NTN1: variants seen among roughly 807,000 people sequenced by gnomAD.
NTN1 encodes netrin 1, also known as netrin-1.
A neutral mutation model predicts 54.2 loss-of-function variants in NTN1; 11 were observed. The ratio of observed to expected loss-of-function variants is 0.20; its 90% CI spans 0.13 to 0.34. The LOEUF is 0.34. Ranked by LOEUF, NTN1 falls within the 10% of genes least tolerant of loss-of-function variation. The pLI, the probability that NTN1 is intolerant of heterozygous loss-of-function variation, is 1.00. For missense variants in NTN1, 740 were observed against 893.1 expected, an observed-to-expected ratio of 0.83 and a Z score of 2.18; for synonymous variants, 371 against 382.0, an observed-to-expected ratio of 0.97 and a Z score of 0.33.
chr17:9,009,952 A>G, the NTN1 span, among the ~76,000 whole-genome samples: 1 of 152,040 alleles, frequency 6.6e-6, no homozygotes, highest in African/African-American at 2.4e-5. Flanking sequence ...TAATCTGGGG[A>G]ACTTTGGATG....
At chr17:9,154,518 G>A (rs769667507) in intron 2 of NTN1, among the ~76,000 whole-genome samples, 3 of 152,090 alleles carry the variant, frequency 2.0e-5, no homozygotes, top group Admixed American at 6.5e-5. Context: ...GTCCTGCCTC[G>A]GCCCCTTTCC....
intron 2 of NTN1, among the ~76,000 whole-genome samples, chr17:9,139,706 A>G (rs1156488570): frequency 6.6e-6 from 1 of 152,198 alleles, no homozygotes; most frequent in Non-Finnish European, 1.5e-5. Flanking sequence ...TGCAATTTAC[A>G]TTAAACATTT....
the NTN1 span, among the ~76,000 whole-genome samples, chr17:9,013,409 T>C: frequency 6.6e-6 from 1 of 151,982 alleles, no homozygotes; most frequent in East Asian, 1.9e-4. Flanking sequence ...AGAGATATGG[T>C]TTCTCCATGT....
chr17:9,100,593 G>T (rs999225007), intron 2 of NTN1, among the ~76,000 whole-genome samples: 1 of 152,116 alleles, frequency 6.6e-6, no homozygotes, highest in Non-Finnish European at 1.5e-5. Flanking sequence ...GAGCCACTGC[G>T]CCTGGCCTTA....
intron 2 of NTN1, among the ~76,000 whole-genome samples, chr17:9,080,167 C>T (rs1045104462): frequency 3.3e-5 from 5 of 152,258 alleles, no homozygotes; most frequent in Admixed American, 2.0e-4. Flanking sequence ...TTCAGCACAT[C>T]GTTGAAATTT....
At position 9,221,283 on chromosome 17, in the gene NTN1, C is replaced by G. The variant is rs772873790; in HGVS notation, c.1486+41C>G. ...CTTGTCTGGGGAGGATGGGAGGGGG[C>G]CACGTGACCAGCGAGGTGCTGGGGC... On this transcript the variant is annotated intron_variant, in intron 6 of 6. Coordinates refer to ENST00000173229, the MANE Select transcript of NTN1 (RefSeq NM_004822.3). This position sits in a 1 kb window ranked among gnomAD's most constrained non-coding sequence, Gnocchi z 4.5. The G allele has an allele frequency of 1.4e-5, 21 of 1,512,784 alleles. No individual in the cohort carries two copies. The highest frequency in any genetic ancestry group is 1.8e-5 in the Non-Finnish European group (20 of 1,088,584). 93.7% of individuals were successfully genotyped at this position (1,512,784 alleles called of 1,614,324 possible). A position where few individuals can be genotyped will look rare whatever the true frequency, so the allele number is the denominator to read the frequency against.
the NTN1 span, among the ~76,000 whole-genome samples, chr17:9,014,169 C>T: frequency 6.6e-6 from 1 of 152,160 alleles, no homozygotes; most frequent in Non-Finnish European, 1.5e-5. Flanking sequence ...TGGCCTGCTC[C>T]CCATGTTCTA....
chr17:9,218,689 C>T (rs765749637), intron 5 of NTN1, among the ~76,000 whole-genome samples: 6 of 152,158 alleles, frequency 3.9e-5, no homozygotes, highest in Non-Finnish European at 7.4e-5. Context: ...TGCTCTGGAA[C>T]CTTTCTGAGC....
chr17:9,035,034 C>T (rs2091899151), intron 2 of NTN1, among the ~76,000 whole-genome samples: 1 of 152,190 alleles, frequency 6.6e-6, no homozygotes. Context: ...GCAAGCTCCG[C>T]CTCCCAGGTT....
chr17:9,235,739 TTTTTTTTTTTC>T (rs1268040311), intron 6 of NTN1, among the ~76,000 whole-genome samples: 530 of 18,826 alleles, frequency 0.028, 3 homozygotes, highest in Non-Finnish European at 0.11. Context: ...TTCTTTCTTC[TTTTTTTTTTTC>T]TTTTTTTTTT....
At chr17:9,056,642 A>T (rs933185861) in intron 2 of NTN1, among the ~76,000 whole-genome samples, 4 of 152,122 alleles carry the variant, frequency 2.6e-5, no homozygotes, top group Non-Finnish European at 1.5e-5. Context: ...GTGCTGAGTG[A>T]TGGCCTGGGG....
At chr17:9,203,173 G>A (rs1904860335) in intron 5 of NTN1, among the ~76,000 whole-genome samples, 1 of 152,056 alleles carries the variant, frequency 6.6e-6, no homozygotes, top group Non-Finnish European at 1.5e-5. Context: ...CGCCTGCCTT[G>A]GCCTCCCAAA....
chr17:9,105,656 CTCTT>C (rs1051149988), intron 2 of NTN1, among the ~76,000 whole-genome samples: 4 of 139,536 alleles, frequency 2.9e-5, no homozygotes, highest in Admixed American at 2.1e-4. Context: ...CTGTCTCTCT[CTCTT>C]TCTCTCTCTC....
intron 5 of NTN1, among the ~76,000 whole-genome samples, chr17:9,199,749 G>A (rs1430147491): frequency 6.6e-6 from 1 of 152,252 alleles, no homozygotes; most frequent in Non-Finnish European, 1.5e-5. Context: ...TATCTGCCTG[G>A]TTGGGCGGGG....
chr17:9,022,256 G>T (rs1423260663), intron 1 of NTN1, 55 bp from the exon 2 acceptor site: 2 of 1,135,568 alleles, frequency 1.8e-6, no homozygotes, highest in African/African-American at 3.2e-5. Flanking sequence ...CCACCCCGCC[G>T]AGAGCTGGAG....
At chr17:9,082,632 G>A (rs1567706112) in intron 2 of NTN1, among the ~76,000 whole-genome samples, 1 of 152,158 alleles carries the variant, frequency 6.6e-6, no homozygotes, top group African/African-American at 2.4e-5. Flanking sequence ...ACGCCGGGCC[G>A]GGGGCTTCAC....
intron 2 of NTN1, among the ~76,000 whole-genome samples, chr17:9,045,915 C>G (rs1032082919): frequency 4.6e-5 from 7 of 152,180 alleles, no homozygotes; most frequent in Non-Finnish European, 8.8e-5. Flanking sequence ...ATGTGATAAA[C>G]AACTGTATGC....
At chr17:9,169,588 G>C (rs1429425807) in intron 3 of NTN1, among the ~76,000 whole-genome samples, 6 of 152,342 alleles carry the variant, frequency 3.9e-5, no homozygotes, top group Non-Finnish European at 8.8e-5. Context: ...GGATTGGCTG[G>C]GTGCGGTGGC....
intron 2 of NTN1, among the ~76,000 whole-genome samples, chr17:9,030,350 A>T (rs1169887595): frequency 6.6e-6 from 1 of 152,232 alleles, no homozygotes; most frequent in African/African-American, 2.4e-5. Context: ...ACCCCCAGCA[A>T]TCCCTGGACC....
Sources: allele counts gnomAD v4.1 joint callset (sites outside exome capture counted in the v4.1 genomes callset), GRCh38; gene constraint gnomAD v4.1.1; non-coding constraint Gnocchi (gnomAD v3.1); transcripts MANE v1.5; gene names NCBI Gene and HGNC (gene_info 2026-07-23, HGNC 2026-07-21).